The following TASP1 variants were observed in gnomAD, a reference collection of about 807,000 sequenced individuals.
The protein encoded by TASP1 is threonine aspartase 1.
Under a neutral mutation model 56.6 loss-of-function variants are expected in TASP1, and 16 were observed. The observed-to-expected ratio is 0.28, with a 90% CI of 0.19 to 0.43. The LOEUF is 0.43. Among genes scored for constraint, TASP1 ranks in the 20% least tolerant of loss-of-function variants. TASP1 has a pLI of 1.00. For missense variants in TASP1, 393 were observed against 511.6 expected, an observed-to-expected ratio of 0.77 and a Z score of 2.24; for synonymous variants, 179 against 184.2, an observed-to-expected ratio of 0.97 and a Z score of 0.23.
In TASP1 at chr20:13,433,777, T is replaced by C. The variant is rs192596627; in HGVS notation, c.1096+1267A>G. 2.7e-5 allele frequency among the ~76,000 whole-genome samples: 4 copies of C among 148,840 alleles called. No individual in the cohort carries two copies. The Admixed American group carries it at 2.7e-4, about 10-fold the overall frequency. On this transcript the variant is annotated intron_variant, in intron 12 of 13. Coordinates refer to ENST00000337743, the MANE Select transcript of TASP1 (RefSeq NM_017714.3). ...CATCAGGCACCACTCACGCTTTCTG[T>C]AAGGAAATTTATAGGAAGGGTTAAA...
chr20:13,353,523 G>A, the TASP1 span, among the ~76,000 whole-genome samples: 263 of 152,224 alleles, frequency 1.7e-3, no homozygotes, highest in Non-Finnish European at 2.5e-3. Flanking sequence ...AAGCTATTTC[G>A]CCATTCATGC....
chr20:13,513,659 TAA>T (rs1335199345), intron 10 of TASP1, among the ~76,000 whole-genome samples: 5 of 152,090 alleles, frequency 3.3e-5, no homozygotes, highest in Non-Finnish European at 7.4e-5. Flanking sequence ...TATTAAATAA[TAA>T]GAGTTGCCCA....
chr20:13,395,693 C>CTTTTTTTT (rs71188158), intron 13 of TASP1, among the ~76,000 whole-genome samples: 20 of 136,398 alleles, frequency 1.5e-4, no homozygotes, highest in South Asian at 2.4e-4. Context: ...CCTCAGCTTT[C>CTTTTTTTT]TTTTTTTTTT....
rs765112855 is a variant in TASP1, at chr20:13,587,299, G to A, written c.354C>T (p.Ser118=). The change falls in exon 5 of 14, where the codon AGC becomes AGT. Residue 118 remains serine (S), a synonymous_variant. Transcript: ENST00000337743. ...AATTTAAGGATTTTCCATCCATTAT[G>A]CTGGCATCACACTCAATTTCACCTA... ...NLLGEIECDA[S]IMDGKSLNFG... 5 of 1,612,846 alleles carry A rather than the reference G, an allele frequency of 3.1e-6. No homozygotes were observed. Among genetic ancestry groups the A allele is most frequent in the South Asian group, 2.2e-5 (2 of 90,860 alleles).
the TASP1 span, among the ~76,000 whole-genome samples, chr20:13,342,013 C>T: frequency 6.6e-6 from 1 of 152,212 alleles, no homozygotes; most frequent in African/African-American, 2.4e-5. Flanking sequence ...GACACATGTT[C>T]ATTTCTGCCA....
the TASP1 span, among the ~76,000 whole-genome samples, chr20:13,383,355 A>C: frequency 6.6e-6 from 1 of 152,218 alleles, no homozygotes; most frequent in Non-Finnish European, 1.5e-5. Context: ...CCTACACTTT[A>C]AAGGAAAGCC....
chr20:13,267,556 A>C, the TASP1 span, among the ~76,000 whole-genome samples: 1 of 152,122 alleles, frequency 6.6e-6, no homozygotes, highest in Admixed American at 6.5e-5. Flanking sequence ...TTACATGCAA[A>C]GTCCTCGAGT....
chr20:13,306,064 G>A, the TASP1 span, among the ~76,000 whole-genome samples: 826 of 144,148 alleles, frequency 5.7e-3, 14 homozygotes, highest in African/African-American at 0.02. Flanking sequence ...AGATATTCAC[G>A]ATTGCCCTCA....
intron 4 of TASP1, among the ~76,000 whole-genome samples, chr20:13,603,025 G>A (rs2048020889): frequency 6.6e-6 from 1 of 152,100 alleles, no homozygotes; most frequent in Non-Finnish European, 1.5e-5. Context: ...GAGGTCAGGA[G>A]TTCAAGACCA....
At chr20:13,362,486 G>A in the TASP1 span, among the ~76,000 whole-genome samples, 3 of 137,034 alleles carry the variant, frequency 2.2e-5, 1 homozygote, top group African/African-American at 6.1e-5. Flanking sequence ...AGCACCTTGA[G>A]ACCCCCACTC....
At chr20:13,356,955 C>A in the TASP1 span, among the ~76,000 whole-genome samples, 2 of 152,234 alleles carry the variant, frequency 1.3e-5, no homozygotes, top group Non-Finnish European at 2.9e-5. Flanking sequence ...TGTAGAGTCA[C>A]AACTGTTAGC....
the TASP1 span, among the ~76,000 whole-genome samples, chr20:13,135,930 G>A: frequency 1.1e-4 from 17 of 152,288 alleles, no homozygotes; most frequent in African/African-American, 3.1e-4. Context: ...GGATGAAAAC[G>A]TGATTCATTT....
intron 4 of TASP1, among the ~76,000 whole-genome samples, chr20:13,593,205 C>T (rs1009446158): frequency 1.3e-5 from 2 of 152,026 alleles, no homozygotes; most frequent in African/African-American, 4.8e-5. Flanking sequence ...AAATGCAGGG[C>T]TGATTAAACA....
At position 13,533,988 on chromosome 20, in the gene TASP1, G is replaced by T. The variant is rs745462437; in HGVS notation, c.795+34C>A. ...AGCTAAAAATTCCATGCTTTACTTT[G>T]AAAGGCTAGTTTAAAAAACCCATAA... On this transcript the variant is annotated intron_variant, in intron 9 of 13. Transcript: ENST00000337743. 10 of 1,580,356 alleles carry T rather than the reference G, an allele frequency of 6.3e-6. No homozygotes were observed. The Admixed American group carries it at 1.9e-4, about 30-fold the overall frequency.
At chr20:13,508,190 AT>A (rs58400670) in intron 10 of TASP1, among the ~76,000 whole-genome samples, 30,391 of 148,566 alleles carry the variant, frequency 0.2, 3,259 homozygotes, top group Middle Eastern at 0.29. Flanking sequence ...GTTGGAAATG[AT>A]TTTTTTTTTT....
intron 1 of TASP1, among the ~76,000 whole-genome samples, chr20:13,632,257 G>C (rs890648339): frequency 2.7e-5 from 4 of 150,644 alleles, no homozygotes; most frequent in African/African-American, 9.8e-5. Flanking sequence ...CTAGTCGAGA[G>C]GCTGAGGCAG....
chr20:13,278,167 C>T, the TASP1 span, among the ~76,000 whole-genome samples: 2 of 152,122 alleles, frequency 1.3e-5, no homozygotes, highest in Admixed American at 6.6e-5. Flanking sequence ...GAACCCAATG[C>T]GTCTTTTATT....
At chr20:13,264,057 C>T in the TASP1 span, among the ~76,000 whole-genome samples, 2 of 152,004 alleles carry the variant, frequency 1.3e-5, no homozygotes, top group Non-Finnish European at 2.9e-5. Context: ...CTAACTAGGC[C>T]CTCGTTACCC....
chr20:13,110,156 G>A, the TASP1 span: 3 of 1,613,490 alleles, frequency 1.9e-6, no homozygotes, highest in South Asian at 3.3e-5. Context: ...TGTCATCTAT[G>A]GCCAGCCTCG....
Sources: gnomAD v4.1 joint callset for allele counts (sites outside exome capture counted in the v4.1 genomes callset) on GRCh38, gnomAD v4.1.1 for gene constraint, MANE v1.5 for transcripts, NCBI Gene and HGNC (gene_info 2026-07-23, HGNC 2026-07-21) for gene names.